HLTF: variants seen among roughly 807,000 people sequenced by gnomAD.
HLTF encodes the protein helicase like transcription factor.
HLTF carries 127 observed loss-of-function variants against 129.4 expected under a neutral mutation model. The ratio of observed to expected loss-of-function variants is 0.98; its 90% CI spans 0.85 to 1.14. The LOEUF (loss-of-function observed/expected upper bound fraction) is 1.14. Among genes scored for constraint, HLTF ranks in the 50% most tolerant of loss-of-function variants. The probability of loss-of-function intolerance (pLI) is 0.00; values close to 1 mark genes in which losing one functional copy is unlikely to be tolerated. For missense variants in HLTF, 1,139 were observed against 1,187.1 expected (o/e 0.96, Z 0.60); for synonymous variants, 332 against 388.8 (o/e 0.85, Z 1.72).
At chr3:149,064,984 A>C in intron 8 of HLTF, 118 bp from the exon 9 acceptor site, 1 of 514,674 alleles carries the variant, frequency 1.9e-6, no homozygotes, top group Non-Finnish European at 3.4e-6. Context: ...TTGCTACCCA[A>C]TTCTGGAGCA....
intron 7 of HLTF, among the ~76,000 whole-genome samples, chr3:149,069,569 G>A (rs1304327450): frequency 6.6e-6 from 1 of 151,536 alleles, no homozygotes; most frequent in Non-Finnish European, 1.5e-5. Context: ...TTAATATTCT[G>A]TGTAGTGAAA....
intron 13 of HLTF, among the ~76,000 whole-genome samples, 156 bp from the exon 14 acceptor site, chr3:149,055,556 C>T (rs1395688939): frequency 6.6e-6 from 1 of 152,156 alleles, no homozygotes; most frequent in African/African-American, 2.4e-5. Flanking sequence ...TTTACCTCAT[C>T]ACTTAAAAAA....
intron 15 of HLTF, among the ~76,000 whole-genome samples, chr3:149,049,998 A>G (rs1348255622): frequency 6.7e-6 from 1 of 149,828 alleles, no homozygotes; most frequent in Non-Finnish European, 1.5e-5. Context: ...ATCGAGAGGG[A>G]GGGGGAGGGG....
rs760515982 is a variant in HLTF, at chr3:149,071,397, C to G, written c.749G>C (p.Trp250Ser). ...LLPHQKQALA[W>S]MVSRENSKEL... Reference sequence around the variant, plus strand: ...TTTGCTATTTTCCCGTGACACCATCCAAGCTAGAGCTTGTTTTTGATGTGG... The same window carrying G: ...TTTGCTATTTTCCCGTGACACCATCGAAGCTAGAGCTTGTTTTTGATGTGG... The change falls in exon 7 of 25, where the codon TGG becomes TCG. Residue 250 changes from tryptophan to serine, a missense_variant. Coordinates refer to ENST00000310053, the MANE Select transcript of HLTF (RefSeq NM_003071.4). 1 of 1,613,780 alleles carries G rather than the reference C, an allele frequency of 6.2e-7. No homozygotes were observed. The highest frequency in any genetic ancestry group is 8.5e-7 in the Non-Finnish European group (1 of 1,179,850).
At chr3:149,049,531 T>G (rs969567579) in intron 15 of HLTF, among the ~76,000 whole-genome samples, 3 of 152,208 alleles carry the variant, frequency 2.0e-5, no homozygotes, top group African/African-American at 7.2e-5. Context: ...GGAAAACTTA[T>G]GAACTGTAAC....
At chr3:149,035,607 C>A (rs183405816) in intron 23 of HLTF, among the ~76,000 whole-genome samples, 1 of 128,622 alleles carries the variant, frequency 7.8e-6, no homozygotes, top group Non-Finnish European at 1.5e-5. Flanking sequence ...TGCAGTGAGC[C>A]GAGATCGCGC....
intron 20 of HLTF, among the ~76,000 whole-genome samples, chr3:149,040,561 T>C (rs1373219603): frequency 6.6e-6 from 1 of 152,112 alleles, no homozygotes; most frequent in African/African-American, 2.4e-5. Flanking sequence ...ATAAAGCTTA[T>C]AATAGCTTAT....
At chr3:149,084,947 A>G (rs1042700116) in intron 1 of HLTF, 58 bp from the exon 2 acceptor site, 26 of 1,232,090 alleles carry the variant, frequency 2.1e-5, no homozygotes, top group African/African-American at 1.5e-4. Flanking sequence ...TCCAAAGACC[A>G]TATGAGTAGT....
chr3:149,042,187 C>T lies in HLTF; in HGVS notation c.2176G>A (p.Val726Met), dbSNP rs780582388. ...CCHTYLLTNAVSSNGPSGNDT... is the reference protein window; with the variant it reads ...CCHTYLLTNAMSSNGPSGNDT... ...CTACCTGAGGGGCCATTGGAAGACA[C>T]TGCATTTGTAAGAAGGTAAGTATGG... Residue 726 changes from valine to methionine, a missense_variant, in exon 19 of 25, where the codon GTG becomes ATG. Coordinates refer to ENST00000310053, the MANE Select transcript of HLTF (RefSeq NM_003071.4). The T allele has an allele frequency of 2.5e-6, 4 of 1,613,318 alleles. No individual in the cohort carries two copies. The highest frequency in any genetic ancestry group is 1.1e-5 in the South Asian group (1 of 91,046).
At chr3:149,050,111 C>A in intron 15 of HLTF, 121 bp downstream of exon 15, 1 of 471,976 alleles carries the variant, frequency 2.1e-6, no homozygotes, top group East Asian at 3.4e-5. Context: ...TTCTATATAT[C>A]GTTAAGTATC....
intron 8 of HLTF, among the ~76,000 whole-genome samples, chr3:149,066,287 C>A (rs1718376910): frequency 6.6e-6 from 1 of 152,124 alleles, no homozygotes; most frequent in Non-Finnish European, 1.5e-5. Context: ...CTCAGGTGAT[C>A]TGCCCGCCTC....
intron 12 of HLTF, 64 bp downstream of exon 12, chr3:149,060,579 A>G (rs1476974248): frequency 7.7e-7 from 1 of 1,305,218 alleles, no homozygotes; most frequent in East Asian, 2.3e-5. Flanking sequence ...GCGAGATACA[A>G]ATCAATGGAG....
chr3:149,045,114 G>A lies in HLTF; in HGVS notation c.2072+966C>T, dbSNP rs1029617434. On this transcript the variant is annotated intron_variant, in intron 18 of 24. Coordinates refer to ENST00000310053, the MANE Select transcript of HLTF (RefSeq NM_003071.4). The stretch of plus-strand genomic sequence containing the variant: ...CATTCCAATAAATCTCTGATATCAT[G>A]ACTATTTTCTCTCGTTCATACTATC... Among the ~76,000 whole-genome samples the A allele has an allele frequency of 6.6e-5, 10 of 152,046 alleles. 1 individual carries two copies. The highest frequency in any genetic ancestry group is 1.5e-5 in the Non-Finnish European group (1 of 67,984).
intron 5 of HLTF, among the ~76,000 whole-genome samples, chr3:149,072,210 T>A (rs1718938554): frequency 6.6e-6 from 1 of 152,204 alleles, no homozygotes; most frequent in South Asian, 2.1e-4. Flanking sequence ...AAAAGAATTT[T>A]AAGTCCCGAG....
chr3:149,085,973 CTG>C (rs1048591470), intron 1 of HLTF, among the ~76,000 whole-genome samples: 1 of 152,112 alleles, frequency 6.6e-6, no homozygotes, highest in African/African-American at 2.4e-5. Flanking sequence ...GGGACAAGGA[CTG>C]TCTTACTCGG....
In HLTF at chr3:149,052,484, T is replaced by C. The variant is rs573550328; in HGVS notation, c.1474-2109A>G. Among the ~76,000 whole-genome samples the C allele has an allele frequency of 6.6e-5, 10 of 152,260 alleles. No homozygotes were observed. In the South Asian group the frequency reaches 2.1e-3, roughly 32 times the overall value. On this transcript the variant is annotated intron_variant, in intron 14 of 24. Transcript: ENST00000310053. The stretch of plus-strand genomic sequence containing the variant: ...AGTTCTTTACAAGAAGGTTTAGAGA[T>C]AGCTTACAAAATAAGACATAACAAA...
chr3:149,066,582 C>T (rs1161462682), intron 8 of HLTF, among the ~76,000 whole-genome samples: 2 of 151,320 alleles, frequency 1.3e-5, no homozygotes, highest in South Asian at 2.1e-4. Context: ...CTTCAGCTGC[C>T]ATTTCAATTA....
rs71617498 is a variant in HLTF, at chr3:149,083,928, G to GAA, written c.228+752_228+753dup. On this transcript the variant is annotated intron_variant, in intron 2 of 24. Coordinates refer to ENST00000310053, the MANE Select transcript of HLTF (RefSeq NM_003071.4). ...AACGAAACTTGGTCTCAAAAAAAAAGAAAAAAAAAAAAATCCAATTCACTT... is the reference window on the plus strand; with the variant it reads ...AACGAAACTTGGTCTCAAAAAAAAAGAAAAAAAAAAAAAAATCCAATTCACTT... Among the ~76,000 whole-genome samples the GAA allele has an allele frequency of 6.0e-4, 79 of 131,576 alleles. 1 individual carries two copies. The highest frequency in any genetic ancestry group is 5.5e-3 in the South Asian group (23 of 4,212). 86.3% of individuals were successfully genotyped at this position (131,576 alleles called of 152,430 possible).
intron 7 of HLTF, among the ~76,000 whole-genome samples, chr3:149,070,015 A>T (rs1383962724): frequency 6.6e-6 from 1 of 152,220 alleles, no homozygotes; most frequent in African/African-American, 2.4e-5. Flanking sequence ...TAAATGAGCA[A>T]TGCCTGGTGT....
Sources: allele counts gnomAD v4.1 joint callset (sites outside exome capture counted in the v4.1 genomes callset), GRCh38; gene constraint gnomAD v4.1.1; transcripts MANE v1.5; gene names NCBI Gene and HGNC (gene_info 2026-07-23, HGNC 2026-07-21).